Variants in CEP152 observed in about 807,000 individuals in gnomAD.
CEP152 encodes the protein centrosomal protein of 152 kDa.
Under a neutral mutation model 188.9 loss-of-function variants are expected in CEP152, and 132 were observed. The observed-to-expected ratio is 0.70, with a 90% confidence interval of 0.61 to 0.81. The LOEUF (loss-of-function observed/expected upper bound fraction) is 0.81, where lower values mean the gene tolerates loss of function less well. Ranked by LOEUF, CEP152 falls within the 30% of genes least tolerant of loss-of-function variation. The pLI, the probability that CEP152 is intolerant of heterozygous loss-of-function variation, is 0.00. For synonymous variants in CEP152, 649 were observed against 666.6 expected (o/e 0.97, Z 0.41); for missense variants, 1,914 against 1,969.8 (o/e 0.97, Z 0.54).
intron 12 of CEP152, among the ~76,000 whole-genome samples, chr15:48,780,616 C>T (rs1312655790): frequency 2.0e-5 from 3 of 152,214 alleles, no homozygotes; most frequent in Non-Finnish European, 2.9e-5. Flanking sequence ...CTTTTCCAAA[C>T]ACCGTATCTC....
chr15:48,808,425 T>TA (rs902241710), intron 1 of CEP152, among the ~76,000 whole-genome samples: 4 of 151,702 alleles, frequency 2.6e-5, no homozygotes, highest in African/African-American at 7.2e-5. Context: ...AAAATAAGAA[T>TA]AAAAAAAATT....
chr15:48,734,986 A>G (rs2140530410), downstream of CEP152, among the ~76,000 whole-genome samples: 1 of 152,372 alleles, frequency 6.6e-6, no homozygotes, highest in East Asian at 1.9e-4. Context: ...CAGCAAGGCT[A>G]TAGCAGACTT....
chr15:48,765,232 T>G (rs1294374482), intron 17 of CEP152, among the ~76,000 whole-genome samples: 2 of 152,136 alleles, frequency 1.3e-5, no homozygotes, highest in Admixed American at 1.3e-4. Flanking sequence ...CACAAAAAGA[T>G]AGCAAAAGGG....
rs775863754 is a variant in CEP152, at chr15:48,755,930, T to G, written c.3318A>C (p.Val1106=). ...KAFQDTLPLL[V]ENADPEWKKR... is the part of the protein sequence containing the mutation. ...TTTTCCATTCTGGGTCAGCGTTTTCTACAAGCAGAGGAAGTGTATCTTGAA... is the reference window on the plus strand; with the variant it reads ...TTTTCCATTCTGGGTCAGCGTTTTCGACAAGCAGAGGAAGTGTATCTTGAA... Residue 1106 remains valine, a synonymous_variant, in exon 20 of 27, where the codon GTA becomes GTC. Transcript: ENST00000380950. 1 of 1,614,012 alleles carries G rather than the reference T, an allele frequency of 6.2e-7. No homozygotes were observed. The highest frequency in any genetic ancestry group is 1.1e-5 in the South Asian group (1 of 91,082).
intron 2 of CEP152, among the ~76,000 whole-genome samples, chr15:48,732,468 A>G (rs1246817156): frequency 6.6e-6 from 1 of 151,900 alleles, no homozygotes; most frequent in African/African-American, 2.4e-5. Flanking sequence ...CTCACTCATA[A>G]GTGAGTGAGA....
At chr15:48,764,891 A>G (rs1894945881) in intron 17 of CEP152, among the ~76,000 whole-genome samples, 1 of 152,206 alleles carries the variant, frequency 6.6e-6, no homozygotes. Flanking sequence ...GCTAAGCTGC[A>G]GTAAAATGGC....
At chr15:48,808,667 AC>A (rs1173733449) in intron 1 of CEP152, among the ~76,000 whole-genome samples, 2 of 152,148 alleles carry the variant, frequency 1.3e-5, no homozygotes, top group African/African-American at 2.4e-5. Context: ...ACTTGTTATC[AC>A]CCAGTGGTGA....
chr15:48,800,980 T>C (rs1897632221), intron 2 of CEP152, among the ~76,000 whole-genome samples: 2 of 152,226 alleles, frequency 1.3e-5, no homozygotes, highest in African/African-American at 4.8e-5. Flanking sequence ...GTAAACCTTT[T>C]GTTAGGATTT....
chr15:48,795,737 T>C lies in CEP152; in HGVS notation c.691+273A>G, dbSNP rs34816660. Among the ~76,000 whole-genome samples the C allele has an allele frequency of 0.38, 57,247 of 152,038 alleles. 11,801 individuals carry two copies. Among genetic ancestry groups the C allele is most frequent in the Middle Eastern group, 0.47 (139 of 294 alleles). The stretch of plus-strand genomic sequence containing the variant: ...ACCCATCTCCCAGATTCAACAATTA[T>C]GAACTCATGGCCAATTTGGCCACAT... On this transcript the variant is annotated intron_variant, in intron 6 of 26. Transcript: ENST00000380950.
At chr15:48,762,696 C>A in intron 17 of CEP152, 24 bp from the exon 18 acceptor site, 1 of 1,609,710 alleles carries the variant, frequency 6.2e-7, no homozygotes, top group Non-Finnish European at 8.5e-7. Context: ...AAAAATCATA[C>A]GAGAAGAACA....
At chr15:48,744,515 C>A (rs760735765) in intron 23 of CEP152, among the ~76,000 whole-genome samples, 172 bp from the exon 24 acceptor site, 1 of 152,022 alleles carries the variant, frequency 6.6e-6, no homozygotes, top group Non-Finnish European at 1.5e-5. Flanking sequence ...ATGGAAACAA[C>A]ATAAATGTTA....
At chr15:48,746,117 C>T (rs1893400746) in intron 22 of CEP152, among the ~76,000 whole-genome samples, 1 of 151,988 alleles carries the variant, frequency 6.6e-6, no homozygotes, top group Admixed American at 6.6e-5. Flanking sequence ...ATTTAAGAAA[C>T]AAAGAAGCAA....
intron 17 of CEP152, chr15:48,765,800 C>T (rs1895040351): frequency 3.2e-6 from 1 of 314,174 alleles, no homozygotes; most frequent in East Asian, 9.8e-5. Context: ...ACTACAGGCG[C>T]GCACAACCAT....
intron 23 of CEP152, 70 bp downstream of exon 23, chr15:48,744,826 C>T: frequency 1.4e-6 from 2 of 1,416,888 alleles, no homozygotes; most frequent in East Asian, 2.5e-5. Context: ...AAAATTGATA[C>T]TTAAAAAAAT....
In CEP152 at chr15:48,789,004, A is replaced by G; in HGVS notation, c.973-3T>C. 6.2e-7 allele frequency: 1 copy of G among 1,612,898 alleles called. No homozygotes were observed. The highest frequency in any genetic ancestry group is 1.1e-5 in the South Asian group (1 of 91,068). ...GTTGTTCTGGACTTCTTGATCATCT[A>G]GTAAATACACACAGGATATCCATGT... is the stretch of plus-strand genomic sequence containing the variant. On this transcript the variant is annotated splice_region_variant and splice_polypyrimidine_tract_variant and intron_variant, in intron 8 of 26. Transcript: ENST00000380950.
intron 22 of CEP152, among the ~76,000 whole-genome samples, chr15:48,747,692 C>A (rs1477608099): frequency 2.0e-5 from 3 of 152,070 alleles, no homozygotes; most frequent in Admixed American, 1.3e-4. Flanking sequence ...AGAAATAGGA[C>A]CAGCTCAGGA....
chr15:48,806,319 G>GGGGAGCAGTGACTGCTGCGGCAGAAGC (rs1897985276), intron 1 of CEP152, among the ~76,000 whole-genome samples: 1 of 152,198 alleles, frequency 6.6e-6, no homozygotes, highest in African/African-American at 2.4e-5. Flanking sequence ...AGAGTTCCCT[G>GGGGAGCAGTGACTGCTGCGGCAGAAGC]GGGAGCAGTG....
chr15:48,791,193 C>G lies in CEP152; in HGVS notation c.972+44G>C, dbSNP rs1010584685. The G allele has an allele frequency of 3.8e-6, 6 of 1,566,934 alleles. No individual in the cohort carries two copies. The African/African-American group carries it at 4.1e-5, about 11-fold the overall frequency. On this transcript the variant is annotated intron_variant, in intron 8 of 26. Transcript: ENST00000380950. ...CCCTACAAAAAGTTTTGTTAAATAACTAAACTTTTAATTTTTTTACCATAC... is the reference window on the plus strand; with the variant it reads ...CCCTACAAAAAGTTTTGTTAAATAAGTAAACTTTTAATTTTTTTACCATAC...
At position 48,794,267 on chromosome 15, in the gene CEP152, A is replaced by G. The variant is rs148813553; in HGVS notation, c.692-806T>C. On this transcript the variant is annotated intron_variant, in intron 6 of 26. Coordinates refer to ENST00000380950, the MANE Select transcript of CEP152 (RefSeq NM_001194998.2). The stretch of plus-strand genomic sequence containing the variant: ...GGACCACTTTAAAAAGAGAAAAAAA[A>G]TGGAAAAAAGGATTGGTAGGTATGC... Among the ~76,000 whole-genome samples, 1,144 of 152,288 alleles carry G rather than the reference A, an allele frequency of 7.5e-3. 12 individuals are homozygous for G. The highest frequency in any genetic ancestry group is 0.026 in the African/African-American group (1,089 of 41,562).
Sources: gnomAD v4.1 joint callset for allele counts (sites outside exome capture counted in the v4.1 genomes callset) on GRCh38, gnomAD v4.1.1 for gene constraint, MANE v1.5 for transcripts, NCBI Gene and HGNC (gene_info 2026-07-23, HGNC 2026-07-21) for gene names.